The following TGFBR2 variants were observed in gnomAD, a reference collection of about 807,000 sequenced individuals.
TGFBR2 encodes the protein transforming growth factor beta receptor 2.
A neutral mutation model predicts 49.0 loss-of-function variants in TGFBR2; 18 were observed. That is an observed-to-expected ratio of 0.37 (90% CI 0.25 to 0.54). The LOEUF is 0.54. Among genes scored for constraint, TGFBR2 ranks in the 20% least tolerant of loss-of-function variants. The pLI is 0.85. For missense variants in TGFBR2, 525 were observed against 722.6 expected (o/e 0.73, Z 3.13); for synonymous variants, 282 against 275.9 (o/e 1.02, Z -0.22).
chr3:30,663,459 A>G (rs1266931733), intron 3 of TGFBR2, among the ~76,000 whole-genome samples: 1 of 152,210 alleles, frequency 6.6e-6, no homozygotes, highest in Non-Finnish European at 1.5e-5. Flanking sequence ...TGATGATTTG[A>G]TTAATTCAGA....
chr3:30,677,515 T>C (rs1191920130), intron 5 of TGFBR2, among the ~76,000 whole-genome samples: 1 of 152,254 alleles, frequency 6.6e-6, no homozygotes, highest in Non-Finnish European at 1.5e-5. Flanking sequence ...TTCACTTGAT[T>C]AAGCGTGTGA....
At chr3:30,683,548 C>G (rs1699571360) in intron 5 of TGFBR2, among the ~76,000 whole-genome samples, 1 of 152,194 alleles carries the variant, frequency 6.6e-6, no homozygotes, top group East Asian at 1.9e-4. Flanking sequence ...TCTCACTATT[C>G]CACCTAAGCC....
At position 30,672,443 on chromosome 3, in the gene TGFBR2, T is replaced by A. The variant is rs1026852885; in HGVS notation, c.1254+6T>A. On this transcript the variant is annotated splice_donor_region_variant and intron_variant, in intron 4 of 6. Transcript: ENST00000295754. This position sits in a 1 kb window ranked among gnomAD's most constrained non-coding sequence, Gnocchi z 4.5. ...ACCTGGCTAACAGTGGGCAGGTAAG[T>A]TAGAGCTAGTGCTAGATCCCCTTTA... The A allele has an allele frequency of 3.7e-6, 6 of 1,614,002 alleles. No individual in the cohort carries two copies. In the Admixed American group the frequency reaches 5.0e-5, roughly 13 times the overall value.
intron 1 of TGFBR2, chr3:30,626,385 G>A (rs1698331564): frequency 6.6e-6 from 1 of 152,378 alleles, no homozygotes; most frequent in South Asian, 2.1e-4. Context: ...CAAAACCGGA[G>A]GAGGCAGAGT....
intron 1 of TGFBR2, among the ~76,000 whole-genome samples, chr3:30,636,733 CGTGTGT>C (rs3076736): frequency 1.1e-4 from 16 of 146,692 alleles, no homozygotes; most frequent in Non-Finnish European, 2.0e-4. Context: ...TGTGTGTGCA[CGTGTGT>C]GTGTGTGTGT....
intron 3 of TGFBR2, 76 bp downstream of exon 3, chr3:30,650,536 A>G (rs2125411045): frequency 1.4e-6 from 2 of 1,464,698 alleles, no homozygotes; most frequent in South Asian, 1.1e-5. Context: ...GCAGTGTCAT[A>G]GAGCACATTC....
intron 3 of TGFBR2, among the ~76,000 whole-genome samples, chr3:30,669,008 T>C (rs1699291034): frequency 6.6e-6 from 1 of 151,170 alleles, no homozygotes. Context: ...CCAAGCGCAG[T>C]GGCTCACGCC....
At chr3:30,638,903 C>T (rs1440817947) in intron 1 of TGFBR2, among the ~76,000 whole-genome samples, 1 of 152,208 alleles carries the variant, frequency 6.6e-6, no homozygotes, top group Non-Finnish European at 1.5e-5. Context: ...CAGCGGCTTT[C>T]TGCCAGATGG....
chr3:30,661,531 G>C (rs551154948), intron 3 of TGFBR2: 1 of 501,974 alleles, frequency 2.0e-6, no homozygotes, highest in South Asian at 1.5e-5. Flanking sequence ...AAACTTGACA[G>C]GTAGATGTAA....
At chr3:30,659,881 C>G (rs1425236162) in intron 3 of TGFBR2, among the ~76,000 whole-genome samples, 1 of 151,610 alleles carries the variant, frequency 6.6e-6, no homozygotes, top group African/African-American at 2.4e-5. Context: ...CAGTGTCCCA[C>G]CAGGGGAAAA....
chr3:30,648,236 C>T (rs1698804989), intron 2 of TGFBR2, among the ~76,000 whole-genome samples: 1 of 152,118 alleles, frequency 6.6e-6, no homozygotes, highest in Non-Finnish European at 1.5e-5. Context: ...GATGTTAGTT[C>T]TCTCAGTAGC....
At chr3:30,664,230 C>T (rs1268072771) in intron 3 of TGFBR2, among the ~76,000 whole-genome samples, 4 of 151,904 alleles carry the variant, frequency 2.6e-5, no homozygotes, top group African/African-American at 9.7e-5. Flanking sequence ...GTGATCCTCC[C>T]ACCTCAGCCT....
At chr3:30,665,153 C>T (rs898099427) in intron 3 of TGFBR2, among the ~76,000 whole-genome samples, 1 of 152,078 alleles carries the variant, frequency 6.6e-6, no homozygotes, top group Non-Finnish European at 1.5e-5. Context: ...TCACCTAAAG[C>T]GAGAGTATAT....
intron 5 of TGFBR2, among the ~76,000 whole-genome samples, chr3:30,687,326 C>T (rs577304562): frequency 4.1e-4 from 63 of 152,304 alleles, no homozygotes; most frequent in African/African-American, 1.5e-3. Context: ...CAGCATTTCT[C>T]AACCTTTTTT....
intron 5 of TGFBR2, among the ~76,000 whole-genome samples, chr3:30,682,403 G>A (rs1315401018): frequency 6.6e-6 from 1 of 152,112 alleles, no homozygotes; most frequent in Non-Finnish European, 1.5e-5. Flanking sequence ...CTAAGCCTTC[G>A]CTTTTTCTCT....
rs912123863 is a variant in TGFBR2, at chr3:30,672,290, G to A, written c.1107G>A (p.Gly369=). The change falls in exon 4 of 7, where the codon GGG becomes GGA. Residue 369 remains glycine, a synonymous_variant. Transcript: ENST00000295754. The surrounding 1 kb of genome is among the most constrained non-coding windows in gnomAD (Gnocchi z 4.5). The stretch of plus-strand genomic sequence containing the variant: ...TCCACAGTGATCACACTCCATGTGG[G>A]AGGCCCAAGATGCCCATCGTGCACA... The part of the protein sequence containing the change: ...AHLHSDHTPC[G]RPKMPIVHRD... The A allele has an allele frequency of 6.2e-7, 1 of 1,606,096 alleles. No individual in the cohort carries two copies.
rs1698972163 is a variant in TGFBR2, at chr3:30,655,183, T to C, written c.454+4723T>C. Among the ~76,000 whole-genome samples, 5 of 152,224 alleles carry C rather than the reference T, an allele frequency of 3.3e-5. No individual in the cohort carries two copies. In the South Asian group the frequency reaches 6.2e-4, roughly 19 times the overall value. Reference sequence around the variant, plus strand: ...TGACATGTCACTGTCTGTTAGCTGTTAGCAGTAGTTGGGCTTTTTATAGAG... The same window carrying C: ...TGACATGTCACTGTCTGTTAGCTGTCAGCAGTAGTTGGGCTTTTTATAGAG... On this transcript the variant is annotated intron_variant, in intron 3 of 6. Transcript: ENST00000295754.
At chr3:30,607,318 G>A (rs1420445878) in intron 1 of TGFBR2, among the ~76,000 whole-genome samples, 1 of 152,198 alleles carries the variant, frequency 6.6e-6, no homozygotes, top group Non-Finnish European at 1.5e-5. Context: ...GGGGAGCAGC[G>A]GCCCGGAGCG....
At chr3:30,650,535 T>C in intron 3 of TGFBR2, 75 bp downstream of exon 3, 3 of 1,460,256 alleles carry the variant, frequency 2.1e-6, no homozygotes, top group Non-Finnish European at 2.9e-6. Flanking sequence ...TGCAGTGTCA[T>C]AGAGCACATT....
Sources: allele counts gnomAD v4.1 joint callset (sites outside exome capture counted in the v4.1 genomes callset), GRCh38; gene constraint gnomAD v4.1.1; non-coding constraint Gnocchi (gnomAD v3.1); transcripts MANE v1.5; gene names NCBI Gene and HGNC (gene_info 2026-07-23, HGNC 2026-07-21).